RAP1GAP2: variants seen among roughly 807,000 people sequenced by gnomAD.
RAP1GAP2 encodes RAP1 GTPase activating protein 2.
A neutral mutation model predicts 95.0 loss-of-function variants in RAP1GAP2; 27 were observed. That is an observed-to-expected ratio of 0.28 (90% CI 0.21 to 0.39). The LOEUF is 0.39. Ranked by LOEUF, RAP1GAP2 falls within the 10% of genes least tolerant of loss-of-function variation. The probability of loss-of-function intolerance (pLI) is 1.00; values close to 1 mark genes in which losing one functional copy is unlikely to be tolerated. For missense variants in RAP1GAP2, 771 were observed against 970.0 expected (o/e 0.79, Z 2.72); for synonymous variants, 373 against 380.9 (o/e 0.98, Z 0.24).
intron 2 of RAP1GAP2, among the ~76,000 whole-genome samples, chr17:2,899,399 G>T (rs1046905914): frequency 6.6e-6 from 1 of 151,998 alleles, no homozygotes; most frequent in Non-Finnish European, 1.5e-5. Context: ...TTTTAGTAGA[G>T]ACGGGGTTTC....
chr17:2,790,193 A>G (rs2068888868), intron 1 of RAP1GAP2, among the ~76,000 whole-genome samples: 1 of 150,976 alleles, frequency 6.6e-6, no homozygotes, highest in South Asian at 2.1e-4. Flanking sequence ...GCTCACTGCA[A>G]CCTCCACCTC....
chr17:2,941,022 A>G (rs1184241393), intron 3 of RAP1GAP2, among the ~76,000 whole-genome samples: 2 of 152,166 alleles, frequency 1.3e-5, no homozygotes, highest in Non-Finnish European at 2.9e-5. Flanking sequence ...GAAACGGCCC[A>G]ACCTCTCTGG....
intron 23 of RAP1GAP2, among the ~76,000 whole-genome samples, chr17:3,031,530 TGGAGAAC>T (rs2047299823): frequency 1.4e-5 from 2 of 147,426 alleles, no homozygotes. Flanking sequence ...CGCCAGACTA[TGGAGAAC>T]TCCAGGTCCA....
At chr17:2,917,130 C>T (rs193201293) in intron 3 of RAP1GAP2, among the ~76,000 whole-genome samples, 105 of 152,284 alleles carry the variant, frequency 6.9e-4, no homozygotes, top group African/African-American at 2.4e-3. Flanking sequence ...GCCACAGGGG[C>T]GATTAATCCA....
At chr17:2,895,062 C>A (rs1189691252) in intron 2 of RAP1GAP2, among the ~76,000 whole-genome samples, 1 of 152,218 alleles carries the variant, frequency 6.6e-6, no homozygotes, top group Non-Finnish European at 1.5e-5. Context: ...GTGTGTGTGT[C>A]ACCTGTCTCA....
chr17:2,916,412 A>C (rs2042570119), intron 3 of RAP1GAP2, among the ~76,000 whole-genome samples: 1 of 152,190 alleles, frequency 6.6e-6, no homozygotes, highest in Non-Finnish European at 1.5e-5. Context: ...TGGAGTTGTC[A>C]TTTGAGATAA....
chr17:2,917,797 C>A (rs183664540), intron 3 of RAP1GAP2, among the ~76,000 whole-genome samples: 1 of 152,222 alleles, frequency 6.6e-6, no homozygotes, highest in African/African-American at 2.4e-5. Flanking sequence ...CTCACCGCAA[C>A]CTCCGCTTCC....
At chr17:2,995,892 G>A (rs908804433) in intron 13 of RAP1GAP2, among the ~76,000 whole-genome samples, 1 of 152,186 alleles carries the variant, frequency 6.6e-6, no homozygotes, top group Non-Finnish European at 1.5e-5. Flanking sequence ...GCCTGAAGCC[G>A]CCTGTGCCAC....
Position 2,979,979 on chromosome 17 carries a change from T to G in RAP1GAP2, c.597-308T>G, listed in dbSNP as rs377441853. On this transcript the variant is annotated intron_variant, in intron 8 of 24. Coordinates refer to ENST00000254695, the MANE Select transcript of RAP1GAP2 (RefSeq NM_015085.5). Reference sequence around the variant, plus strand: ...TTTTGAGGTGGAGTCTCACTCTTGTTGCCCAGGCTGGAGTGCAGTGGTACA... The same window carrying G: ...TTTTGAGGTGGAGTCTCACTCTTGTGGCCCAGGCTGGAGTGCAGTGGTACA... Among the ~76,000 whole-genome samples the G allele has an allele frequency of 7.3e-5, 11 of 150,918 alleles. 1 individual carries two copies. Among genetic ancestry groups the G allele is most frequent in the Admixed American group, 3.3e-4 (5 of 15,156 alleles).
At chr17:2,809,246 C>T (rs2069654340) in intron 2 of RAP1GAP2, among the ~76,000 whole-genome samples, 4 of 152,174 alleles carry the variant, frequency 2.6e-5, no homozygotes, top group South Asian at 4.1e-4. Context: ...GGCAGGGAGC[C>T]GGCTGGCAGC....
chr17:3,020,699 T>C (rs2046931711), intron 19 of RAP1GAP2, 104 bp downstream of exon 19: 1 of 1,050,914 alleles, frequency 9.5e-7, no homozygotes, highest in Admixed American at 2.2e-5. Flanking sequence ...GGAGCTTTGC[T>C]CAGCTTTAGG....
intron 1 of RAP1GAP2, among the ~76,000 whole-genome samples, chr17:2,799,071 A>G (rs966557479): frequency 1.3e-5 from 2 of 152,180 alleles, no homozygotes. Context: ...GAATTAGGAG[A>G]TTCCTTGAGA....
chr17:2,993,054 CAAA>C (rs1157432511), intron 12 of RAP1GAP2, among the ~76,000 whole-genome samples: 1 of 103,038 alleles, frequency 9.7e-6, no homozygotes, highest in African/African-American at 3.3e-5. Context: ...ACTAAAAATA[CAAA>C]AAAAAAAAAA....
intron 1 of RAP1GAP2, among the ~76,000 whole-genome samples, chr17:2,780,972 G>A (rs564080341): frequency 6.6e-6 from 1 of 152,104 alleles, no homozygotes; most frequent in Admixed American, 6.6e-5. Flanking sequence ...TTTTCTATTT[G>A]TTGCAACCCT....
At chr17:2,836,496 G>A (rs1298164468) in intron 2 of RAP1GAP2, among the ~76,000 whole-genome samples, 1 of 152,068 alleles carries the variant, frequency 6.6e-6, no homozygotes, top group East Asian at 1.9e-4. Context: ...GCTGGGCATG[G>A]TGGCGGGCAA....
At chr17:2,919,944 G>A (rs1294416038) in intron 3 of RAP1GAP2, among the ~76,000 whole-genome samples, 1 of 151,482 alleles carries the variant, frequency 6.6e-6, no homozygotes, top group African/African-American at 2.4e-5. Context: ...CAGGTGATCC[G>A]CCCGCCTCGG....
intron 3 of RAP1GAP2, among the ~76,000 whole-genome samples, chr17:2,917,856 C>T (rs1487657368): frequency 6.6e-6 from 1 of 151,888 alleles, no homozygotes; most frequent in Non-Finnish European, 1.5e-5. Flanking sequence ...GCTGAGATTA[C>T]AAGCACATGC....
chr17:2,821,613 A>G (rs1440832654), intron 2 of RAP1GAP2, among the ~76,000 whole-genome samples: 2 of 151,974 alleles, frequency 1.3e-5, no homozygotes, highest in Admixed American at 6.6e-5. Flanking sequence ...GTCTCAAGCA[A>G]TCCATCCGCC....
chr17:2,882,262 G>A (rs908387874), intron 2 of RAP1GAP2, among the ~76,000 whole-genome samples: 17 of 151,348 alleles, frequency 1.1e-4, no homozygotes, highest in Non-Finnish European at 2.4e-4. Context: ...GAGTAGCTGG[G>A]ATTACAGGTG....
Sources: allele counts gnomAD v4.1 joint callset (sites outside exome capture counted in the v4.1 genomes callset), GRCh38; gene constraint gnomAD v4.1.1; transcripts MANE v1.5; gene names NCBI Gene and HGNC (gene_info 2026-07-23, HGNC 2026-07-21).